UTRN: variants seen among roughly 807,000 people sequenced by gnomAD.
UTRN encodes dystrophin-related protein 1.
Under a neutral mutation model 463.9 loss-of-function variants are expected in UTRN, and 283 were observed. That is an observed-to-expected ratio of 0.61 (90% CI 0.55 to 0.67). The LOEUF is 0.67. Ranked by LOEUF, UTRN falls within the 30% of genes least tolerant of loss-of-function variation. UTRN has a pLI of 0.00. For synonymous variants in UTRN, 1,442 were observed against 1,431.5 expected, an observed-to-expected ratio of 1.01 and a Z score of -0.17; for missense variants, 3,922 against 4,084.3, an observed-to-expected ratio of 0.96 and a Z score of 1.08.
chr6:144,707,817 G>A (rs1322922380), intron 53 of UTRN, among the ~76,000 whole-genome samples: 1 of 152,130 alleles, frequency 6.6e-6, no homozygotes, highest in Non-Finnish European at 1.5e-5. Flanking sequence ...GCTGGACTAG[G>A]CATTTGTGTA....
intron 46 of UTRN, among the ~76,000 whole-genome samples, chr6:144,545,745 C>A (rs1798339680): frequency 2.0e-5 from 3 of 152,226 alleles, no homozygotes; most frequent in African/African-American, 7.2e-5. Context: ...TCTGGCAGGG[C>A]ACGGTGGCTC....
intron 51 of UTRN, among the ~76,000 whole-genome samples, chr6:144,670,211 T>C (rs1780860881): frequency 6.6e-6 from 1 of 152,174 alleles, no homozygotes. Context: ...CCATACTGTT[T>C]TTCATAGTGG....
chr6:144,460,499 C>T (rs1025653376), intron 21 of UTRN, among the ~76,000 whole-genome samples: 3 of 152,200 alleles, frequency 2.0e-5, no homozygotes, highest in Non-Finnish European at 4.4e-5. Context: ...GTCTTTGTTC[C>T]TTGAATTCAG....
intron 3 of UTRN, among the ~76,000 whole-genome samples, chr6:144,415,556 G>T (rs1417515027): frequency 6.6e-6 from 1 of 152,006 alleles, no homozygotes; most frequent in African/African-American, 2.4e-5. Flanking sequence ...ATGATCTGTG[G>T]TAGAAATATT....
intron 3 of UTRN, among the ~76,000 whole-genome samples, chr6:144,421,407 G>C (rs576188589): frequency 4.6e-5 from 7 of 152,186 alleles, no homozygotes; most frequent in African/African-American, 1.7e-4. Context: ...AGACAAATTT[G>C]GGCCGGGTGC....
At chr6:144,577,659 T>C (rs1179559830) in intron 51 of UTRN, among the ~76,000 whole-genome samples, 1 of 152,186 alleles carries the variant, frequency 6.6e-6, no homozygotes, top group East Asian at 1.9e-4. Context: ...ATACTTAATA[T>C]AAAAGCTGCA....
chr6:144,450,835 A>C (rs1323711927), intron 17 of UTRN, among the ~76,000 whole-genome samples: 1 of 152,218 alleles, frequency 6.6e-6, no homozygotes, highest in Non-Finnish European at 1.5e-5. Flanking sequence ...AGTTTTAAAA[A>C]TTTTTATTTA....
At chr6:144,470,777 T>C (rs1271582490) in intron 23 of UTRN, among the ~76,000 whole-genome samples, 5 of 151,876 alleles carry the variant, frequency 3.3e-5, no homozygotes, top group African/African-American at 9.7e-5. Flanking sequence ...GCAATCCCGG[T>C]ACCTCGGGAG....
intron 6 of UTRN, 58 bp from the exon 7 acceptor site, chr6:144,426,229 A>G: frequency 6.5e-7 from 1 of 1,538,440 alleles, no homozygotes. Flanking sequence ...TCATTGAAGT[A>G]AGTTGAAGTA....
intron 3 of UTRN, among the ~76,000 whole-genome samples, chr6:144,415,747 G>A (rs531898966): frequency 1.6e-4 from 24 of 152,128 alleles, no homozygotes; most frequent in Admixed American, 1.6e-3. Context: ...ATTAAAATTG[G>A]AATTATTCTG....
At chr6:144,621,915 C>G (rs1433636447) in intron 51 of UTRN, among the ~76,000 whole-genome samples, 1 of 151,956 alleles carries the variant, frequency 6.6e-6, no homozygotes, top group Non-Finnish European at 1.5e-5. Flanking sequence ...CCTCTTCCTC[C>G]TTGTCCTCCT....
chr6:144,536,516 T>A (rs1478067926), intron 43 of UTRN, among the ~76,000 whole-genome samples: 1 of 152,118 alleles, frequency 6.6e-6, no homozygotes, highest in African/African-American at 2.4e-5. Flanking sequence ...TTGTAGTGAT[T>A]TTCATTTTTT....
intron 51 of UTRN, among the ~76,000 whole-genome samples, chr6:144,668,552 G>T (rs1196530969): frequency 2.6e-5 from 4 of 152,138 alleles, no homozygotes; most frequent in African/African-American, 9.7e-5. Flanking sequence ...ATTTCTCTCA[G>T]ATCTGGGGAC....
chr6:144,720,531 A>G (rs949831530), intron 53 of UTRN, among the ~76,000 whole-genome samples: 1 of 152,240 alleles, frequency 6.6e-6, no homozygotes, highest in Non-Finnish European at 1.5e-5. Flanking sequence ...GAGAATGGAA[A>G]CTGTGATTTT....
At chr6:144,335,884 T>G (rs1020321681) in intron 2 of UTRN, among the ~76,000 whole-genome samples, 17 of 152,232 alleles carry the variant, frequency 1.1e-4, no homozygotes, top group African/African-American at 4.1e-4. Flanking sequence ...AATGAACACC[T>G]ATATTCTTCA....
chr6:144,793,812 A>T (rs1776974579), intron 62 of UTRN, 22 bp from the exon 63 acceptor site: 1 of 1,609,888 alleles, frequency 6.2e-7, no homozygotes, highest in African/African-American at 1.3e-5. Context: ...GATGAAAGTT[A>T]ACCTCTTGCC....
At chr6:144,467,052 ATACAAATT>A (rs1790029609) in intron 23 of UTRN, among the ~76,000 whole-genome samples, 1 of 152,228 alleles carries the variant, frequency 6.6e-6, no homozygotes, top group Non-Finnish European at 1.5e-5. Flanking sequence ...TTCACCATTA[ATACAAATT>A]AATACCAAGT....
intron 3 of UTRN, among the ~76,000 whole-genome samples, chr6:144,406,749 G>A (rs1783452633): frequency 6.6e-6 from 1 of 152,046 alleles, no homozygotes; most frequent in Non-Finnish European, 1.5e-5. Context: ...AAGCTCTTTC[G>A]TTGGGTGCCC....
chr6:144,722,425 G>A (rs1424950221), intron 53 of UTRN, among the ~76,000 whole-genome samples: 2 of 151,696 alleles, frequency 1.3e-5, no homozygotes, highest in East Asian at 1.9e-4. Flanking sequence ...CACTCATCCT[G>A]TGTGGTAGAT....
Sources: gnomAD v4.1 joint callset for allele counts (sites outside exome capture counted in the v4.1 genomes callset) on GRCh38, gnomAD v4.1.1 for gene constraint, MANE v1.5 for transcripts, NCBI Gene and HGNC (gene_info 2026-07-23, HGNC 2026-07-21) for gene names.